RTL4: variants seen among roughly 807,000 people sequenced by gnomAD.
The protein encoded by RTL4 is retrotransposon Gag like 4, also known as retrotransposon Gag-like protein 4.
RTL4 carries 4 observed loss-of-function variants against 5.3 expected under a neutral mutation model. The ratio of observed to expected loss-of-function variants is 0.75; its 90% CI spans 0.37 to 1.72. The LOEUF is 1.72. Among genes scored for constraint, RTL4 ranks in the 40% most tolerant of loss-of-function variants. The pLI, the probability that RTL4 is intolerant of heterozygous loss-of-function variation, is 0.04. For synonymous variants in RTL4, 98 were observed against 87.3 expected, an observed-to-expected ratio of 1.12 and a Z score of -0.68; for missense variants, 260 against 227.1, an observed-to-expected ratio of 1.14 and a Z score of -0.93.
At chrX:112,220,595 GT>G in the RTL4 span, among the ~76,000 whole-genome samples, 1 of 112,657 alleles carries the variant, frequency 8.9e-6, no homozygotes, top group Non-Finnish European at 1.9e-5. Flanking sequence ...AAAATGGGTT[GT>G]TTTTTTCTAT....
At chrX:112,304,898 C>A in the RTL4 span, among the ~76,000 whole-genome samples, 1 of 105,954 alleles carries the variant, frequency 9.4e-6, no homozygotes, top group Non-Finnish European at 1.9e-5. Context: ...TTTCCACATT[C>A]ATTGGCATGT....
At chrX:112,351,968 G>T in the RTL4 span, among the ~76,000 whole-genome samples, 2 of 111,547 alleles carry the variant, frequency 1.8e-5, no homozygotes, top group African/African-American at 3.3e-5. Flanking sequence ...AGCCTTGATG[G>T]TCTTTACAAT....
chrX:112,183,566 A>T, the RTL4 span, among the ~76,000 whole-genome samples: 1 of 112,379 alleles, frequency 8.9e-6, no homozygotes, highest in African/African-American at 3.2e-5. Flanking sequence ...AGGACAAAGA[A>T]GGGCATTACA....
At chrX:112,384,879 T>C in the RTL4 span, among the ~76,000 whole-genome samples, 1 of 111,493 alleles carries the variant, frequency 9.0e-6, no homozygotes, top group Non-Finnish European at 1.9e-5. Flanking sequence ...TCCTCTCTTA[T>C]TTCCTTGAGC....
chrX:112,380,608 G>C, the RTL4 span, among the ~76,000 whole-genome samples: 2 of 112,222 alleles, frequency 1.8e-5, no homozygotes, highest in Admixed American at 9.4e-5. Flanking sequence ...TATTTCCGGG[G>C]CCCCGCCCAC....
chrX:112,100,479 A>G, the RTL4 span, among the ~76,000 whole-genome samples: 1 of 112,294 alleles, frequency 8.9e-6, no homozygotes, highest in Non-Finnish European at 1.9e-5. Context: ...GACAGTTTAT[A>G]AAACAAAGAC....
chrX:112,126,612 A>G, the RTL4 span, among the ~76,000 whole-genome samples: 2 of 112,425 alleles, frequency 1.8e-5, no homozygotes, highest in East Asian at 2.8e-4. Flanking sequence ...AATGGAATCA[A>G]TGAAGCCAAA....
the RTL4 span, among the ~76,000 whole-genome samples, chrX:112,335,721 T>C: frequency 9.0e-6 from 1 of 111,299 alleles, no homozygotes; most frequent in Non-Finnish European, 1.9e-5. Flanking sequence ...TTGAATCTTA[T>C]TCTTTTTATT....
At chrX:112,364,810 G>T in the RTL4 span, among the ~76,000 whole-genome samples, 1 of 112,056 alleles carries the variant, frequency 8.9e-6, no homozygotes. Context: ...CATTGGTATG[G>T]ACTAATTAAT....
At chrX:112,133,740 C>T in the RTL4 span, among the ~76,000 whole-genome samples, 1 of 112,120 alleles carries the variant, frequency 8.9e-6, no homozygotes, top group Non-Finnish European at 1.9e-5. Flanking sequence ...TAGTTCTTAT[C>T]ACATAAGGTT....
At chrX:112,185,376 A>AAT in the RTL4 span, among the ~76,000 whole-genome samples, 5,195 of 85,117 alleles carry the variant, frequency 0.061, 236 homozygotes, top group African/African-American at 0.14. Flanking sequence ...CTATTTTATT[A>AAT]ATATATATAT....
the RTL4 span, among the ~76,000 whole-genome samples, chrX:112,255,808 G>A: frequency 3.5e-3 from 390 of 111,517 alleles, 1 homozygote; most frequent in African/African-American, 0.011. Context: ...TACTTCATCC[G>A]TTCTTCCTCT....
At chrX:112,245,606 T>C in the RTL4 span, among the ~76,000 whole-genome samples, 1 of 111,890 alleles carries the variant, frequency 8.9e-6, no homozygotes, top group Non-Finnish European at 1.9e-5. Context: ...CTAATCTTTT[T>C]TCAAGGTTTT....
At chrX:112,085,929 G>T in the RTL4 span, among the ~76,000 whole-genome samples, 1 of 111,457 alleles carries the variant, frequency 9.0e-6, no homozygotes, top group Admixed American at 9.5e-5. Flanking sequence ...GCCATCTTCT[G>T]GTTACCATCA....
At chrX:112,314,096 A>G in the RTL4 span, among the ~76,000 whole-genome samples, 3 of 111,993 alleles carry the variant, frequency 2.7e-5, no homozygotes, top group South Asian at 3.7e-4. Context: ...TTCTCCAGAT[A>G]TACAAATATC....
the RTL4 span, among the ~76,000 whole-genome samples, chrX:112,116,073 G>T: frequency 8.9e-6 from 1 of 112,077 alleles, no homozygotes; most frequent in South Asian, 3.7e-4. Flanking sequence ...GAAGAGTCAG[G>T]GGTTGTTAGA....
chrX:112,214,888 A>G, the RTL4 span, among the ~76,000 whole-genome samples: 1 of 109,823 alleles, frequency 9.1e-6, no homozygotes, highest in South Asian at 3.9e-4. Context: ...TCCCACATTC[A>G]TGCCATTCTC....
At chrX:112,229,944 G>A in the RTL4 span, among the ~76,000 whole-genome samples, 218 of 112,356 alleles carry the variant, frequency 1.9e-3, no homozygotes, top group African/African-American at 6.4e-3. Context: ...CCCCTACTGC[G>A]GGGTGCCTCC....
chrX:112,352,554 A>G, the RTL4 span, among the ~76,000 whole-genome samples: 1 of 111,264 alleles, frequency 9.0e-6, no homozygotes, highest in African/African-American at 3.3e-5. Flanking sequence ...GATCTTTGAC[A>G]AACCTGACAA....
Sources: gnomAD v4.1 joint callset for allele counts (sites outside exome capture counted in the v4.1 genomes callset) on GRCh38, gnomAD v4.1.1 for gene constraint, MANE v1.5 for transcripts, NCBI Gene and HGNC (gene_info 2026-07-23, HGNC 2026-07-21) for gene names.